DNER: variants seen among roughly 807,000 people sequenced by gnomAD.
DNER encodes the protein delta/notch like EGF repeat containing, also known as delta and Notch-like epidermal growth factor-related receptor.
Under a neutral mutation model 78.2 loss-of-function variants are expected in DNER, and 33 were observed. The observed-to-expected ratio is 0.42, with a 90% CI of 0.32 to 0.56. DNER has a LOEUF of 0.56. Ranked by LOEUF, DNER falls within the 20% of genes least tolerant of loss-of-function variation. The pLI is 0.11. For missense variants in DNER, 918 were observed against 975.3 expected (o/e 0.94, Z 0.78); for synonymous variants, 417 against 384.8 (o/e 1.08, Z -0.98).
At chr2:229,686,310 G>A (rs1413075756) in intron 1 of DNER, among the ~76,000 whole-genome samples, 1 of 151,856 alleles carries the variant, frequency 6.6e-6, no homozygotes, top group South Asian at 2.1e-4. Flanking sequence ...CGTCACCACC[G>A]CTGTCACCAC....
chr2:229,606,488 A>AT (rs1336444322), intron 1 of DNER, among the ~76,000 whole-genome samples: 2 of 88,032 alleles, frequency 2.3e-5, no homozygotes, highest in Non-Finnish European at 4.9e-5. Context: ...CAGTCTTTGG[A>AT]TTAAAAAAAA....
rs1380383533 is a variant in DNER at position 229,407,243 on chromosome 2, G to A, written c.1712C>T (p.Pro571Leu). The A allele has an allele frequency of 6.2e-7, 1 of 1,611,192 alleles. No homozygotes were observed. The highest frequency in any genetic ancestry group is 1.1e-5 in the South Asian group (1 of 90,968). ...DGLNGTCICA[P>L]GFTGEECDID... ...CTGGAATCACTTGCCTGTAAACCCG[G>A]GTGCACAGATGCACGTGCCATTCAG... Residue 571 changes from proline (P) to leucine (L), a missense_variant, in exon 10 of 13, where the codon CCC becomes CTC. Physicochemically the swap from Pro to Leu is moderately conservative, Grantham distance 98. Coordinates refer to ENST00000341772, the MANE Select transcript of DNER (RefSeq NM_139072.4).
chr2:229,659,251 T>A (rs1698965140), intron 1 of DNER, among the ~76,000 whole-genome samples: 2 of 152,100 alleles, frequency 1.3e-5, no homozygotes, highest in Non-Finnish European at 1.5e-5. Flanking sequence ...AGGAACTCAG[T>A]TTTTTAGCTA....
intron 5 of DNER, among the ~76,000 whole-genome samples, chr2:229,517,910 C>A (rs1028214983): frequency 1.3e-5 from 2 of 152,168 alleles, no homozygotes; most frequent in African/African-American, 4.8e-5. Flanking sequence ...ACTGTAAGAA[C>A]CCTGGCTTGG....
In DNER at chr2:229,595,643, T is replaced by C. The variant is rs920230872; in HGVS notation, c.277-3755A>G. On this transcript the variant is annotated intron_variant, in intron 1 of 12. Transcript: ENST00000341772. ...TGTGCCTGCCCTAGTCTCCCTGACC[T>C]CACCTCCTGCCCCTGACCTCCCTCA... 9.3e-4 allele frequency among the ~76,000 whole-genome samples: 141 copies of C among 152,168 alleles called. 1 individual carries two copies. The highest frequency in any genetic ancestry group is 1.2e-4 in the Non-Finnish European group (8 of 68,030).
At chr2:229,529,038 GTTC>G (rs1696257246) in intron 5 of DNER, among the ~76,000 whole-genome samples, 1 of 152,112 alleles carries the variant, frequency 6.6e-6, no homozygotes, top group Non-Finnish European at 1.5e-5. Context: ...AAAATGGATT[GTTC>G]TTCTGGTAGA....
In DNER at chr2:229,384,532, AAAGAGAG is replaced by A. The variant is rs1692818621; in HGVS notation, c.1855+3726_1855+3732del. Among the ~76,000 whole-genome samples the A allele has an allele frequency of 4.6e-5, 7 of 152,290 alleles. No individual in the cohort carries two copies. The South Asian group carries it at 1.0e-3, about 23-fold the overall frequency. ...CCACTAGCCAGACTAACAAAGAAGA[AAAGAGAG>A]AAGAATCAGATAGACACAATAAAAA... On this transcript the variant is annotated intron_variant, in intron 11 of 12. Transcript: ENST00000341772.
rs116351529 is a variant in DNER, at chr2:229,680,793, C to T, written c.276+33355G>A. 8.0e-3 allele frequency among the ~76,000 whole-genome samples: 1,222 copies of T among 152,354 alleles called. 10 individuals carry two copies. The highest frequency in any genetic ancestry group is 0.058 in the Middle Eastern group (17 of 294). ...TCCTAAAAGTAATGATCACATAATTCTCTTTCAACAAGTATCTAAATTTGA... is the reference window on the plus strand; with the variant it reads ...TCCTAAAAGTAATGATCACATAATTTTCTTTCAACAAGTATCTAAATTTGA... On this transcript the variant is annotated intron_variant, in intron 1 of 12. Transcript: ENST00000341772.
At chr2:229,625,600 G>C (rs1034007960) in intron 1 of DNER, among the ~76,000 whole-genome samples, 1 of 152,186 alleles carries the variant, frequency 6.6e-6, no homozygotes, top group African/African-American at 2.4e-5. Context: ...AACCAACAAA[G>C]AGCCTCTTAT....
chr2:229,412,975 G>A (rs116217431), intron 9 of DNER, among the ~76,000 whole-genome samples: 8,461 of 152,144 alleles, frequency 0.056, 769 homozygotes, highest in African/African-American at 0.19. Flanking sequence ...GGAAGAAAGG[G>A]ACTTTAAGCA....
chr2:229,431,385 A>T (rs919339939), intron 8 of DNER, among the ~76,000 whole-genome samples: 1 of 152,118 alleles, frequency 6.6e-6, no homozygotes, highest in African/African-American at 2.4e-5. Context: ...TCATCTGGGG[A>T]ATCTTTCTAG....
Position 229,614,200 on chromosome 2 carries a change from A to G in DNER, c.277-22312T>C, listed in dbSNP as rs1391686017. ...AATAATAATTAAAAAATTTAAAAAA[A>G]TAATAATAATAAAATAAAAAATAAA... On this transcript the variant is annotated intron_variant, in intron 1 of 12. Coordinates refer to ENST00000341772, the MANE Select transcript of DNER (RefSeq NM_139072.4). Among the ~76,000 whole-genome samples, 3 of 151,532 alleles carry G rather than the reference A, an allele frequency of 2.0e-5. No individual in the cohort carries two copies. The East Asian group carries it at 5.8e-4, about 29-fold the overall frequency.
intron 6 of DNER, among the ~76,000 whole-genome samples, chr2:229,500,135 G>T (rs1165678608): frequency 1.3e-5 from 2 of 152,134 alleles, no homozygotes. Context: ...AGGTTTCACC[G>T]TGTTAGCCAG....
chr2:229,621,363 G>A (rs990580989), intron 1 of DNER, among the ~76,000 whole-genome samples: 7 of 152,110 alleles, frequency 4.6e-5, no homozygotes, highest in African/African-American at 9.7e-5. Flanking sequence ...TCTCATTGAC[G>A]ACCAAATGAA....
At position 229,514,595 on chromosome 2, in the gene DNER, C is replaced by A. The variant is rs1309220982; in HGVS notation, c.994-1659G>T. Among the ~76,000 whole-genome samples the A allele has an allele frequency of 2.6e-5, 4 of 152,220 alleles. No homozygotes were observed. In the East Asian group the frequency reaches 7.7e-4, roughly 29 times the overall value. On this transcript the variant is annotated intron_variant, in intron 5 of 12. Transcript: ENST00000341772. ...TTCAACCTTATGCTCCTGGAAGGAA[C>A]ATCCACTTAAGTCATTATACAAAAT...
intron 11 of DNER, among the ~76,000 whole-genome samples, chr2:229,368,606 A>T (rs1353257999): frequency 3.9e-5 from 6 of 152,240 alleles, no homozygotes; most frequent in Non-Finnish European, 8.8e-5. Flanking sequence ...ATGTCTATAT[A>T]CACATTGAAA....
chr2:229,680,471 C>T (rs1699367648), intron 1 of DNER, among the ~76,000 whole-genome samples: 2 of 152,162 alleles, frequency 1.3e-5, no homozygotes, highest in Non-Finnish European at 2.9e-5. Context: ...GAACCACTGC[C>T]CCCCAGATGC....
chr2:229,610,497 T>C (rs537378479), intron 1 of DNER, among the ~76,000 whole-genome samples: 11 of 152,308 alleles, frequency 7.2e-5, no homozygotes, highest in East Asian at 1.9e-4. Context: ...AACACCATCA[T>C]TGGGTTTGCA....
Position 229,591,898 on chromosome 2 carries a change from G to T in DNER, c.277-10C>A. The T allele has an allele frequency of 6.6e-7, 1 of 1,521,086 alleles. No individual in the cohort carries two copies. The allele number at this position is 1,521,086 out of a possible 1,614,324, so 94.2% of individuals were successfully genotyped here. Reference sequence around the variant, plus strand: ...AAGGATCTGCAACAAGCTGAAACGAGACCATAAATGGGTCAATTATTCCCT... The same window carrying T: ...AAGGATCTGCAACAAGCTGAAACGATACCATAAATGGGTCAATTATTCCCT... On this transcript the variant is annotated splice_polypyrimidine_tract_variant and intron_variant, in intron 1 of 12. Coordinates refer to ENST00000341772, the MANE Select transcript of DNER (RefSeq NM_139072.4). This position sits in a 1 kb window ranked among gnomAD's most constrained non-coding sequence, Gnocchi z 4.6.
Sources: gnomAD v4.1 joint callset for allele counts (sites outside exome capture counted in the v4.1 genomes callset) on GRCh38, gnomAD v4.1.1 for gene constraint, Gnocchi (gnomAD v3.1) non-coding constraint, MANE v1.5 for transcripts, NCBI Gene and HGNC (gene_info 2026-07-23, HGNC 2026-07-21) for gene names.